NCOA3: variants seen among roughly 807,000 people sequenced by gnomAD.
The protein encoded by NCOA3 is CBP-interacting protein.
In NCOA3, 51 loss-of-function variants were observed where a neutral mutation model predicts 158.8. The ratio of observed to expected loss-of-function variants is 0.32; its 90% CI spans 0.26 to 0.41. The LOEUF is 0.41. NCOA3 is among the 10% of genes least tolerant of loss of function. The probability of loss-of-function intolerance (pLI) is 1.00; values close to 1 mark genes in which losing one functional copy is unlikely to be tolerated. For synonymous variants in NCOA3, 537 were observed against 592.4 expected (o/e 0.91, Z 1.36); for missense variants, 1,510 against 1,746.6 (o/e 0.86, Z 2.41).
rs558275694 is a variant in NCOA3, at chr20:47,654,356, C to T, written c.*939C>T. The T allele has an allele frequency of 6.6e-6, 1 of 152,642 alleles. No individual in the cohort carries two copies. The highest frequency in any genetic ancestry group is 2.1e-4 in the South Asian group (1 of 4,822). The allele number at this position is 152,642 out of a possible 1,614,324, so 9.5% of individuals were successfully genotyped here. ...GGTACTGCATTCTGAATCAGAATCTCGCAGTGTTTCTGTGAATAGATTTTT... is the reference window on the plus strand; with the variant it reads ...GGTACTGCATTCTGAATCAGAATCTTGCAGTGTTTCTGTGAATAGATTTTT... On this transcript the variant is annotated 3_prime_UTR_variant, in exon 23 of 23. Coordinates refer to ENST00000371998, the MANE Select transcript of NCOA3 (RefSeq NM_181659.3).
intron 2 of NCOA3, among the ~76,000 whole-genome samples, chr20:47,596,791 A>G (rs2085763164): frequency 2.0e-5 from 3 of 152,028 alleles, no homozygotes; most frequent in South Asian, 4.2e-4. Context: ...GGGGATTTCA[A>G]CATGTTGCCC....
At chr20:47,519,426 C>T (rs2146076885) in intron 1 of NCOA3, among the ~76,000 whole-genome samples, 1 of 136,654 alleles carries the variant, frequency 7.3e-6, no homozygotes, top group Non-Finnish European at 1.6e-5. Context: ...AGCGAGACTC[C>T]ATCTCAAAAA....
At chr20:47,594,385 A>T (rs1250769091) in intron 2 of NCOA3, among the ~76,000 whole-genome samples, 2 of 152,140 alleles carry the variant, frequency 1.3e-5, no homozygotes, top group Non-Finnish European at 2.9e-5. Context: ...AGTCTTGGCC[A>T]GGTGCAGTGG....
At chr20:47,573,707 G>C (rs2085330537) in intron 1 of NCOA3, among the ~76,000 whole-genome samples, 1 of 152,182 alleles carries the variant, frequency 6.6e-6, no homozygotes, top group African/African-American at 2.4e-5. Context: ...TGGGGAGAGG[G>C]AGTATGAAAA....
At chr20:47,625,514 T>G (rs759257415) in intron 5 of NCOA3, 33 bp downstream of exon 5, 76 of 1,367,862 alleles carry the variant, frequency 5.6e-5, no homozygotes, top group Non-Finnish European at 5.5e-5. Flanking sequence ...TCCAGTAGGC[T>G]GTATTGCCCT....
At chr20:47,648,340 A>T (rs537754947) in intron 18 of NCOA3, among the ~76,000 whole-genome samples, 1 of 152,332 alleles carries the variant, frequency 6.6e-6, no homozygotes, top group African/African-American at 2.4e-5. Context: ...AAAGTCATTT[A>T]GGGAAAGCTA....
At chr20:47,628,051 C>T in intron 8 of NCOA3, 28 bp downstream of exon 8, 4 of 1,519,022 alleles carry the variant, frequency 2.6e-6, no homozygotes, top group Non-Finnish European at 2.7e-6. Flanking sequence ...GTCTCTCTCT[C>T]TCTCTGTGTA....
At chr20:47,511,528 T>TAG (rs2084132159) in intron 1 of NCOA3, among the ~76,000 whole-genome samples, 1 of 9,356 alleles carries the variant, frequency 1.1e-4, no homozygotes, top group South Asian at 0.02. Context: ...TCTCGAGATA[T>TAG]ATATATATAT....
At chr20:47,592,787 G>A (rs1329941258) in intron 2 of NCOA3, among the ~76,000 whole-genome samples, 1 of 152,182 alleles carries the variant, frequency 6.6e-6, no homozygotes, top group Non-Finnish European at 1.5e-5. Flanking sequence ...GCAGAAAATT[G>A]AAGTTCTTCT....
At chr20:47,566,551 TC>T (rs1193245025) in intron 1 of NCOA3, among the ~76,000 whole-genome samples, 1 of 150,770 alleles carries the variant, frequency 6.6e-6, no homozygotes, top group Non-Finnish European at 1.5e-5. Context: ...TTGCTCTGTC[TC>T]CCAGGCTGGA....
intron 1 of NCOA3, among the ~76,000 whole-genome samples, chr20:47,544,958 C>A (rs1362751562): frequency 2.0e-5 from 3 of 152,002 alleles, no homozygotes; most frequent in Non-Finnish European, 4.4e-5. Flanking sequence ...GAACAGTATT[C>A]CTTGTGTTCC....
intron 1 of NCOA3, among the ~76,000 whole-genome samples, chr20:47,536,863 G>A (rs189141783): frequency 6.8e-6 from 1 of 147,776 alleles, no homozygotes; most frequent in Non-Finnish European, 1.5e-5. Flanking sequence ...GAGTGCAGTA[G>A]TGCAATCTCG....
intron 1 of NCOA3, among the ~76,000 whole-genome samples, chr20:47,521,775 C>G (rs1458489095): frequency 6.6e-6 from 1 of 152,284 alleles, no homozygotes; most frequent in Non-Finnish European, 1.5e-5. Flanking sequence ...GAACTCATAT[C>G]CAACACTCAG....
intron 2 of NCOA3, among the ~76,000 whole-genome samples, chr20:47,587,967 A>T (rs1232641061): frequency 6.6e-6 from 1 of 152,118 alleles, no homozygotes; most frequent in Non-Finnish European, 1.5e-5. Context: ...CATCTAAAAT[A>T]ATTTCAGAAT....
chr20:47,577,839 T>A (rs759722800), intron 1 of NCOA3, among the ~76,000 whole-genome samples: 10 of 152,212 alleles, frequency 6.6e-5, no homozygotes, highest in Non-Finnish European at 1.0e-4. Context: ...TTCAGGCTGA[T>A]TCCGTATAGA....
At chr20:47,517,850 G>C (rs1253902914) in intron 1 of NCOA3, among the ~76,000 whole-genome samples, 1 of 152,058 alleles carries the variant, frequency 6.6e-6, no homozygotes, top group Non-Finnish European at 1.5e-5. Context: ...CAGTGGTACT[G>C]AATAAAAACA....
rs774386129 is a variant in NCOA3, at chr20:47,655,814, T to C, written c.*2397T>C. On this transcript the variant is annotated 3_prime_UTR_variant, in exon 23 of 23. Coordinates refer to ENST00000371998, the MANE Select transcript of NCOA3 (RefSeq NM_181659.3). ...TTTTTTGCAATCCTTTCCTCAGACC[T>C]GGCTCCAGGCTAACTGGAAGGCAGC... 1.4e-4 allele frequency: 22 copies of C among 152,536 alleles called. No individual in the cohort carries two copies. The highest frequency in any genetic ancestry group is 2.8e-4 in the Non-Finnish European group (19 of 68,024). The allele number at this position is 152,536 out of a possible 1,614,324, so 9.4% of individuals were successfully genotyped here.
chr20:47,620,896 T>C (rs1267809998), intron 2 of NCOA3, among the ~76,000 whole-genome samples: 2 of 152,220 alleles, frequency 1.3e-5, no homozygotes, highest in African/African-American at 4.8e-5. Context: ...ATAGCTTCCT[T>C]TAAAATCTGG....
intron 1 of NCOA3, among the ~76,000 whole-genome samples, chr20:47,533,942 C>T (rs1048180900): frequency 8.6e-5 from 13 of 151,740 alleles, no homozygotes; most frequent in African/African-American, 2.9e-4. Context: ...CAAAAACAAA[C>T]GAAAAAACAA....
Sources: allele counts gnomAD v4.1 joint callset (sites outside exome capture counted in the v4.1 genomes callset), GRCh38; gene constraint gnomAD v4.1.1; transcripts MANE v1.5; gene names NCBI Gene and HGNC (gene_info 2026-07-23, HGNC 2026-07-21).